The following RBFOX1 variants were observed in gnomAD, a reference collection of about 807,000 sequenced individuals.
The protein encoded by RBFOX1 is RNA binding protein fox-1 homolog 1.
Under a neutral mutation model 57.7 loss-of-function variants are expected in RBFOX1, and 8 were observed. The ratio of observed to expected loss-of-function variants is 0.14; its 90% confidence interval spans 0.08 to 0.25. The LOEUF (loss-of-function observed/expected upper bound fraction) is 0.25, where lower values mean the gene tolerates loss of function less well. Ranked by LOEUF, RBFOX1 falls within the 10% of genes least tolerant of loss-of-function variation. The probability of loss-of-function intolerance (pLI) is 1.00; values close to 1 mark genes in which losing one functional copy is unlikely to be tolerated. For synonymous variants in RBFOX1, 326 were observed against 222.4 expected, an observed-to-expected ratio of 1.47 and a Z score of -4.15; for missense variants, 611 against 548.5, an observed-to-expected ratio of 1.11 and a Z score of -1.14.
rs183846803 is a variant in RBFOX1, at chr16:7,026,158, C to T, written c.-15-25899C>T. ...CAGAAGGCCTCCCTCTGCGTGGGGT[C>T]TCCCTTAAACCCAACTTCTTGGGGC... On this transcript the variant is annotated intron_variant, in intron 3 of 15. Coordinates refer to ENST00000550418, the MANE Select transcript of RBFOX1 (RefSeq NM_018723.4). Among the ~76,000 whole-genome samples the T allele has an allele frequency of 3.9e-5, 6 of 152,272 alleles. 1 individual carries two copies. In the South Asian group the frequency reaches 1.2e-3, roughly 32 times the overall value.
chr16:7,699,175 C>G (rs1372744826), intron 14 of RBFOX1, among the ~76,000 whole-genome samples: 4 of 152,300 alleles, frequency 2.6e-5, no homozygotes, highest in African/African-American at 2.4e-5. Flanking sequence ...TTGGGACACA[C>G]TAACTGATCA....
chr16:7,570,326 A>G (rs1038998965), intron 5 of RBFOX1, among the ~76,000 whole-genome samples: 1 of 152,222 alleles, frequency 6.6e-6, no homozygotes, highest in African/African-American at 2.4e-5. Flanking sequence ...TCCATCAAAT[A>G]GAATTTGCTA....
At chr16:5,477,192 T>G (rs953160336) in intron 2 of RBFOX1, among the ~76,000 whole-genome samples, 5 of 152,136 alleles carry the variant, frequency 3.3e-5, no homozygotes, top group African/African-American at 1.2e-4. Flanking sequence ...TTTTAAAAAT[T>G]ATTTGTAGAG....
chr16:6,979,254 A>G (rs566600858), intron 3 of RBFOX1, among the ~76,000 whole-genome samples: 1 of 152,304 alleles, frequency 6.6e-6, no homozygotes, highest in South Asian at 2.1e-4. Context: ...AAATACAGTT[A>G]AATAGTAAAA....
intron 2 of RBFOX1, among the ~76,000 whole-genome samples, chr16:6,629,230 C>G (rs1259715867): frequency 6.6e-6 from 1 of 152,182 alleles, no homozygotes; most frequent in African/African-American, 2.4e-5. Context: ...TTGGCAATTA[C>G]AGGCCTAGGG....
intron 1 of RBFOX1, among the ~76,000 whole-genome samples, chr16:5,244,609 C>T (rs1205262043): frequency 1.3e-5 from 2 of 152,248 alleles, no homozygotes; most frequent in Non-Finnish European, 2.9e-5. Flanking sequence ...TCCCTGGCAA[C>T]AATCTTTGAA....
intron 3 of RBFOX1, among the ~76,000 whole-genome samples, chr16:6,818,288 T>G (rs1441417107): frequency 1.3e-5 from 2 of 152,090 alleles, no homozygotes; most frequent in Non-Finnish European, 2.9e-5. Context: ...TTCACCTGTG[T>G]GTGCGTCTTT....
intron 3 of RBFOX1, among the ~76,000 whole-genome samples, chr16:5,673,557 A>C (rs1700902234): frequency 6.6e-6 from 1 of 152,124 alleles, no homozygotes; most frequent in African/African-American, 2.4e-5. Flanking sequence ...CTGAGGCCAG[A>C]CCTGGTTGTT....
At chr16:6,904,567 C>G (rs1221364907) in intron 3 of RBFOX1, among the ~76,000 whole-genome samples, 1 of 130,510 alleles carries the variant, frequency 7.7e-6, no homozygotes, top group African/African-American at 2.9e-5. Flanking sequence ...TGCCATTGCA[C>G]TCCAGCCTGG....
chr16:7,169,900 A>G (rs1305115927), intron 4 of RBFOX1, among the ~76,000 whole-genome samples: 1 of 151,992 alleles, frequency 6.6e-6, no homozygotes, highest in Non-Finnish European at 1.5e-5. Flanking sequence ...GCAAGACCCT[A>G]TCTCTACAAA....
At chr16:5,973,532 A>T (rs1389115875) in intron 4 of RBFOX1, among the ~76,000 whole-genome samples, 2 of 152,180 alleles carry the variant, frequency 1.3e-5, no homozygotes, top group Non-Finnish European at 2.9e-5. Flanking sequence ...GATATGAAGG[A>T]CCAGTCTCGA....
intron 4 of RBFOX1, among the ~76,000 whole-genome samples, chr16:7,513,997 C>A (rs536197956): frequency 6.6e-6 from 1 of 152,302 alleles, no homozygotes; most frequent in East Asian, 1.9e-4. Context: ...CTCTCTCTTT[C>A]TACTTCACTG....
chr16:6,545,933 C>T (rs1002907832), intron 2 of RBFOX1, among the ~76,000 whole-genome samples: 4 of 152,196 alleles, frequency 2.6e-5, no homozygotes, highest in African/African-American at 9.7e-5. Context: ...GCTAGATAGT[C>T]TCTGTGTACT....
chr16:7,073,834 G>A (rs77471436), intron 4 of RBFOX1, among the ~76,000 whole-genome samples: 3,026 of 152,132 alleles, frequency 0.02, 107 homozygotes, highest in African/African-American at 0.068. Flanking sequence ...TCCAGCCTGG[G>A]TGACAGAGCA....
intron 4 of RBFOX1, among the ~76,000 whole-genome samples, chr16:7,117,526 G>C (rs1434724720): frequency 6.6e-6 from 1 of 152,016 alleles, no homozygotes; most frequent in East Asian, 1.9e-4. Flanking sequence ...ATTACTTAAT[G>C]TGTGAGTTTA....
chr16:6,996,609 T>G (rs1596427909), intron 3 of RBFOX1, among the ~76,000 whole-genome samples: 1 of 152,166 alleles, frequency 6.6e-6, no homozygotes, highest in Admixed American at 6.5e-5. Flanking sequence ...GGCACTGTAT[T>G]TTCATTTAAC....
rs1567239133 is a variant in RBFOX1 at position 5,999,896 on chromosome 16, AAAAAAAAAAAAGAGTG to A, written c.351+132564_351+132579del. 1.8e-4 allele frequency among the ~76,000 whole-genome samples: 13 copies of A among 73,344 alleles called. 3 individuals carry two copies. Among genetic ancestry groups the A allele is most frequent in the Non-Finnish European group, 3.4e-4 (12 of 34,862 alleles). The allele number at this position is 73,344 out of a possible 152,430, so 48.1% of individuals were successfully genotyped here. A position where few individuals can be genotyped will look rare whatever the true frequency, so the allele number is the denominator to read the frequency against. On this transcript the variant is annotated intron_variant, in intron 4 of 19. Coordinates refer to the RBFOX1 transcript ENST00000641259. ...AAAAAAAAAAAAAAAAAAAAAAAAAAAAAAAAAAAAAGAGTGAAGAAGGGAAATCAGACAAGGAAAG... is the reference window on the plus strand; with the variant it reads ...AAAAAAAAAAAAAAAAAAAAAAAAAAAAGAAGGGAAATCAGACAAGGAAAG...
At chr16:5,768,560 C>T (rs530707289) in intron 3 of RBFOX1, among the ~76,000 whole-genome samples, 3 of 152,238 alleles carry the variant, frequency 2.0e-5, no homozygotes, top group East Asian at 1.9e-4. Flanking sequence ...GACATACCAG[C>T]GTGGATCCTG....
chr16:6,688,102 T>A (rs952971819), intron 3 of RBFOX1, among the ~76,000 whole-genome samples: 38 of 152,154 alleles, frequency 2.5e-4, no homozygotes, highest in African/African-American at 8.9e-4. Context: ...AAAAGAGATT[T>A]CATTGGCTCC....
Sources: gnomAD v4.1 joint callset for allele counts (sites outside exome capture counted in the v4.1 genomes callset) on GRCh38, gnomAD v4.1.1 for gene constraint, MANE v1.5 for transcripts, NCBI Gene and HGNC (gene_info 2026-07-23, HGNC 2026-07-21) for gene names.